Variants in CWC22 observed in about 807,000 individuals in gnomAD.
The protein encoded by CWC22 is CWC22 spliceosome associated protein.
In CWC22, 53 loss-of-function variants were observed where a neutral mutation model predicts 117.2. The ratio of observed to expected loss-of-function variants is 0.45; its 90% CI spans 0.36 to 0.57. The LOEUF is 0.57. CWC22 is among the 20% of genes least tolerant of loss of function. The pLI is 0.00. For synonymous variants in CWC22, 360 were observed against 355.6 expected, an observed-to-expected ratio of 1.01 and a Z score of -0.14; for missense variants, 980 against 1,068.8, an observed-to-expected ratio of 0.92 and a Z score of 1.16.
intron 19 of CWC22, among the ~76,000 whole-genome samples, chr2:179,948,165 C>A (rs1269022964): frequency 6.6e-6 from 1 of 152,032 alleles, no homozygotes; most frequent in Non-Finnish European, 1.5e-5. Flanking sequence ...GAAAAGCACA[C>A]AGAAATCAAG....
At chr2:180,003,395 C>G (rs568472870) in intron 1 of CWC22, among the ~76,000 whole-genome samples, 1 of 152,302 alleles carries the variant, frequency 6.6e-6, no homozygotes, top group South Asian at 2.1e-4. Context: ...ATCACACATT[C>G]AAACCACTCT....
intron 2 of CWC22, among the ~76,000 whole-genome samples, chr2:179,991,684 A>G (rs1254257897): frequency 6.6e-6 from 1 of 152,222 alleles, no homozygotes; most frequent in Non-Finnish European, 1.5e-5. Context: ...GCTCTTGTCT[A>G]ACATGGCTCT....
intron 2 of CWC22, 104 bp downstream of exon 2, chr2:179,993,211 T>C (rs1193689220): frequency 6.9e-6 from 6 of 871,148 alleles, no homozygotes; most frequent in Non-Finnish European, 9.1e-6. Flanking sequence ...AGTGCCATTC[T>C]ACTGTCTGGC....
At chr2:179,997,337 C>T (rs180828191) in intron 1 of CWC22, among the ~76,000 whole-genome samples, 97 of 150,590 alleles carry the variant, frequency 6.4e-4, no homozygotes, top group African/African-American at 2.1e-3. Context: ...AAAAAAAGTA[C>T]AAAATGTAGC....
intron 1 of CWC22, among the ~76,000 whole-genome samples, chr2:180,005,179 T>C (rs1464901196): frequency 2.6e-5 from 4 of 152,146 alleles, no homozygotes; most frequent in Admixed American, 1.3e-4. Flanking sequence ...AATACACCAG[T>C]GTATTAGATC....
chr2:179,962,512 T>C (rs1324028631), intron 13 of CWC22, among the ~76,000 whole-genome samples: 2 of 152,132 alleles, frequency 1.3e-5, no homozygotes, highest in African/African-American at 4.8e-5. Flanking sequence ...AGTTATATAG[T>C]TTTTATCTGA....
intron 2 of CWC22, 40 bp downstream of exon 2, chr2:179,993,275 T>G (rs774022359): frequency 1.4e-6 from 2 of 1,408,290 alleles, no homozygotes; most frequent in Admixed American, 2.0e-5. Context: ...GGTAATTGAC[T>G]ATAAGTTTAC....
chr2:179,999,183 C>T (rs1445070665), intron 1 of CWC22, among the ~76,000 whole-genome samples: 5 of 152,184 alleles, frequency 3.3e-5, no homozygotes. Context: ...GCAGAATATG[C>T]CTGTTCGGAA....
In CWC22 at chr2:179,960,797, C is replaced by A. The variant is rs548630127; in HGVS notation, c.1398-1715G>T. Among the ~76,000 whole-genome samples the A allele has an allele frequency of 3.9e-5, 6 of 152,080 alleles. No homozygotes were observed. The South Asian group carries it at 1.2e-3, about 32-fold the overall frequency. On this transcript the variant is annotated intron_variant, in intron 13 of 19. Transcript: ENST00000410053. ...TAATACTTAATTTGAAAAGTCATTT[C>A]TTGAAATGTATATCACGTGCTTAGA...
chr2:179,989,930 T>G (rs562331591), intron 2 of CWC22, among the ~76,000 whole-genome samples: 1 of 152,158 alleles, frequency 6.6e-6, no homozygotes, highest in Non-Finnish European at 1.5e-5. Context: ...GCCTCCTTAA[T>G]GAAGAAAGGA....
intron 4 of CWC22, among the ~76,000 whole-genome samples, chr2:179,982,828 G>A (rs999799378): frequency 6.6e-6 from 1 of 152,130 alleles, no homozygotes; most frequent in African/African-American, 2.4e-5. Context: ...CCAGAGCAAA[G>A]TTTATCCACT....
At chr2:179,969,101 A>G (rs1235234697) in intron 11 of CWC22, among the ~76,000 whole-genome samples, 1 of 152,180 alleles carries the variant, frequency 6.6e-6, no homozygotes, top group East Asian at 1.9e-4. Flanking sequence ...AAAAGAAAGT[A>G]CTACTTTCCA....
chr2:179,972,640 T>A lies in CWC22; in HGVS notation c.804+553A>T, dbSNP rs148558602. On this transcript the variant is annotated intron_variant, in intron 8 of 19. Coordinates refer to ENST00000410053, the MANE Select transcript of CWC22 (RefSeq NM_020943.3). ...GGAATGGTTTGCAGTCAAGTAACCA[T>A]GTACAGTATTAAGTCAGATTAATTT... Among the ~76,000 whole-genome samples the A allele has an allele frequency of 7.2e-5, 11 of 152,326 alleles. No individual in the cohort carries two copies. The East Asian group carries it at 2.1e-3, about 29-fold the overall frequency.
intron 1 of CWC22, 32 bp from the exon 2 acceptor site, chr2:179,993,486 C>T (rs1687622318): frequency 6.5e-6 from 4 of 615,372 alleles, no homozygotes; most frequent in Middle Eastern, 2.5e-4. Flanking sequence ...GCTTTATTAA[C>T]ACTAACAAAG....
chr2:179,945,842 T>C, intron 19 of CWC22, 127 bp from the exon 20 acceptor site: 1 of 606,034 alleles, frequency 1.7e-6, no homozygotes, highest in Non-Finnish European at 2.8e-6. Flanking sequence ...GCCAAATTGA[T>C]TGAATAGAAA....
chr2:179,968,531 A>C (rs1686949369), intron 11 of CWC22, among the ~76,000 whole-genome samples: 1 of 151,024 alleles, frequency 6.6e-6, no homozygotes, highest in Non-Finnish European at 1.5e-5. Context: ...AAATATAAAA[A>C]ACACCATTCT....
chr2:179,981,404 G>A (rs1478536752), intron 5 of CWC22, among the ~76,000 whole-genome samples: 1 of 152,132 alleles, frequency 6.6e-6, no homozygotes, highest in Non-Finnish European at 1.5e-5. Flanking sequence ...GAACTAAAAT[G>A]TCAGTATTAC....
At chr2:179,997,898 G>C (rs570862790) in intron 1 of CWC22, among the ~76,000 whole-genome samples, 1 of 152,118 alleles carries the variant, frequency 6.6e-6, no homozygotes, top group Admixed American at 6.5e-5. Context: ...CTACAGGTCA[G>C]TTTTAAATCA....
chr2:179,962,274 T>C (rs1484881520), intron 13 of CWC22, among the ~76,000 whole-genome samples: 1 of 152,162 alleles, frequency 6.6e-6, no homozygotes, highest in Non-Finnish European at 1.5e-5. Flanking sequence ...TCCACACAGT[T>C]CAGTTGCCAG....
Sources: gnomAD v4.1 joint callset for allele counts (sites outside exome capture counted in the v4.1 genomes callset) on GRCh38, gnomAD v4.1.1 for gene constraint, MANE v1.5 for transcripts, NCBI Gene and HGNC (gene_info 2026-07-23, HGNC 2026-07-21) for gene names.